DNM3: variants seen among roughly 807,000 people sequenced by gnomAD.
The protein encoded by DNM3 is dynamin-3.
A neutral mutation model predicts 101.6 loss-of-function variants in DNM3; 47 were observed. That is an observed-to-expected ratio of 0.46 (90% confidence interval 0.37 to 0.59). DNM3 has a LOEUF of 0.59. Among genes scored for constraint, DNM3 ranks in the 20% least tolerant of loss-of-function variants. The probability of loss-of-function intolerance (pLI) is 0.00; values close to 1 mark genes in which losing one functional copy is unlikely to be tolerated. For synonymous variants in DNM3, 385 were observed against 387.9 expected (o/e 0.99, Z 0.09); for missense variants, 849 against 1,085.7 (o/e 0.78, Z 3.06).
In DNM3 at chr1:172,318,007, A is replaced by C. The variant is rs2065480437; in HGVS notation, c.1882-5322A>C. On this transcript the variant is annotated intron_variant, in intron 16 of 20. Coordinates refer to ENST00000627582, the MANE Select transcript of DNM3 (RefSeq NM_015569.5). ...TCCTCAATAAAATACTGGCAAACTG[A>C]ATCCAGCAGCACATCAAAAAGCTTA... is the stretch of plus-strand genomic sequence containing the variant. Among the ~76,000 whole-genome samples, 7 of 152,322 alleles carry C rather than the reference A, an allele frequency of 4.6e-5. No homozygotes were observed. The South Asian group carries it at 1.5e-3, about 32-fold the overall frequency.
Position 171,989,084 on chromosome 1 carries a change from T to A in DNM3, c.525T>A (p.Thr175=), listed in dbSNP as rs1232641755. The A allele has an allele frequency of 6.2e-7, 1 of 1,613,216 alleles. No individual in the cohort carries two copies. Among genetic ancestry groups the A allele is most frequent in the Non-Finnish European group, 8.5e-7 (1 of 1,179,516 alleles). ...TRENCLILAV[T]PANTDLANSD... The stretch of plus-strand genomic sequence containing the variant: ...AGAACTGTCTGATTTTAGCTGTTAC[T>A]CCAGCCAACACTGATCTTGCAAACT... Residue 175 remains threonine, a synonymous_variant, in exon 4 of 21, where the codon ACT becomes ACA. Transcript: ENST00000627582.
At chr1:172,120,096 TC>T (rs2056211708) in intron 13 of DNM3, among the ~76,000 whole-genome samples, 1 of 152,200 alleles carries the variant, frequency 6.6e-6, no homozygotes, top group Non-Finnish European at 1.5e-5. Flanking sequence ...TATGTATTAG[TC>T]TGTTCTCACA....
chr1:172,366,885 T>A (rs2068047163), intron 17 of DNM3, among the ~76,000 whole-genome samples: 1 of 151,854 alleles, frequency 6.6e-6, no homozygotes, highest in Admixed American at 6.6e-5. Context: ...GGGACACCAC[T>A]GAGCAAATAT....
intron 1 of DNM3, among the ~76,000 whole-genome samples, chr1:171,862,514 C>T (rs2034284155): frequency 1.3e-5 from 2 of 151,990 alleles, no homozygotes; most frequent in African/African-American, 4.8e-5. Flanking sequence ...GTATATGATT[C>T]CATTTATATG....
intron 14 of DNM3, among the ~76,000 whole-genome samples, chr1:172,222,830 T>A (rs2060958352): frequency 6.6e-6 from 1 of 152,144 alleles, no homozygotes; most frequent in Admixed American, 6.5e-5. Context: ...TCAGAAGAGA[T>A]ATAACTTGCT....
intron 10 of DNM3, among the ~76,000 whole-genome samples, chr1:172,059,067 C>T (rs2125903641): frequency 6.6e-6 from 1 of 152,068 alleles, no homozygotes; most frequent in Middle Eastern, 3.4e-3. Flanking sequence ...CTACAAACAC[C>T]TCTACGCAAA....
intron 1 of DNM3, among the ~76,000 whole-genome samples, chr1:171,857,864 G>A (rs2125027781): frequency 6.6e-6 from 1 of 152,184 alleles, no homozygotes; most frequent in South Asian, 2.1e-4. Context: ...TAAGGGTGAG[G>A]CCCTGATCAA....
chr1:172,094,260 T>C (rs1404351856), intron 13 of DNM3, among the ~76,000 whole-genome samples: 1 of 152,220 alleles, frequency 6.6e-6, no homozygotes, highest in Non-Finnish European at 1.5e-5. Context: ...TGATGGACAT[T>C]TTATATGGCT....
At chr1:172,054,158 C>T (rs2050404123) in intron 10 of DNM3, among the ~76,000 whole-genome samples, 1 of 152,206 alleles carries the variant, frequency 6.6e-6, no homozygotes, top group African/African-American at 2.4e-5. Context: ...TGTGATGCCT[C>T]ATGTGTAAAA....
chr1:172,387,783 C>T (rs1170230569), intron 19 of DNM3, among the ~76,000 whole-genome samples: 1 of 152,068 alleles, frequency 6.6e-6, no homozygotes, highest in Non-Finnish European at 1.5e-5. Flanking sequence ...AAGATATTTA[C>T]ATTCAGGAGT....
At chr1:172,308,461 T>C (rs2245757) in intron 15 of DNM3, among the ~76,000 whole-genome samples, 1,881 of 152,324 alleles carry the variant, frequency 0.012, 28 homozygotes, top group African/African-American at 0.043. Flanking sequence ...GTGTATAATA[T>C]TGAATACATT....
intron 20 of DNM3, among the ~76,000 whole-genome samples, chr1:172,391,018 G>C (rs1022883054): frequency 6.6e-6 from 1 of 152,202 alleles, no homozygotes; most frequent in Non-Finnish European, 1.5e-5. Flanking sequence ...GGGTGGAGTT[G>C]CCGTTAGTAT....
intron 18 of DNM3, among the ~76,000 whole-genome samples, chr1:172,383,510 T>A (rs2069029563): frequency 6.6e-6 from 1 of 152,124 alleles, no homozygotes; most frequent in African/African-American, 2.4e-5. Flanking sequence ...TTAATACATG[T>A]ATTGTGTGAA....
chr1:172,253,384 G>A (rs1305672751), intron 14 of DNM3, among the ~76,000 whole-genome samples, 189 bp from the exon 15 acceptor site: 1 of 151,950 alleles, frequency 6.6e-6, no homozygotes, highest in Non-Finnish European at 1.5e-5. Context: ...GTATCAAAAT[G>A]GCATGTGATG....
At chr1:172,370,364 C>G (rs534491570) in intron 17 of DNM3, 1 of 151,864 alleles carries the variant, frequency 6.6e-6, no homozygotes, top group Non-Finnish European at 1.5e-5. Flanking sequence ...CCATTTTCTA[C>G]TATATTTCCC....
intron 13 of DNM3, among the ~76,000 whole-genome samples, chr1:172,125,637 T>TA (rs901002155): frequency 1.1e-4 from 17 of 152,002 alleles, no homozygotes; most frequent in Admixed American, 2.6e-4. Context: ...GCAATAAATT[T>TA]AAAAAAAACA....
At chr1:172,136,497 G>A (rs2057237657) in intron 14 of DNM3, 2 of 152,074 alleles carry the variant, frequency 1.3e-5, no homozygotes, top group Admixed American at 1.3e-4. Flanking sequence ...CCAAAACTTA[G>A]ATATTTTCAC....
At chr1:172,188,199 A>G (rs887987999) in intron 14 of DNM3, among the ~76,000 whole-genome samples, 2 of 152,090 alleles carry the variant, frequency 1.3e-5, no homozygotes, top group African/African-American at 2.4e-5. Flanking sequence ...CAATTCTGAT[A>G]TTACTCCTAT....
At chr1:171,845,938 A>C (rs531479454) in intron 1 of DNM3, among the ~76,000 whole-genome samples, 1 of 152,354 alleles carries the variant, frequency 6.6e-6, no homozygotes, top group East Asian at 1.9e-4. Flanking sequence ...TAGACTCTCA[A>C]TTCTGCACAA....
Sources: allele counts gnomAD v4.1 joint callset (sites outside exome capture counted in the v4.1 genomes callset), GRCh38; gene constraint gnomAD v4.1.1; transcripts MANE v1.5; gene names NCBI Gene and HGNC (gene_info 2026-07-23, HGNC 2026-07-21).